Variants in CNTNAP2 observed in about 807,000 individuals in gnomAD.
CNTNAP2 encodes the protein contactin associated protein 2.
Under a neutral mutation model 155.2 loss-of-function variants are expected in CNTNAP2, and 98 were observed. That is an observed-to-expected ratio of 0.63 (90% CI 0.54 to 0.75). The LOEUF (loss-of-function observed/expected upper bound fraction) is 0.75, where lower values mean the gene tolerates loss of function less well. Among genes scored for constraint, CNTNAP2 ranks in the 30% least tolerant of loss-of-function variants. The pLI, the probability that CNTNAP2 is intolerant of heterozygous loss-of-function variation, is 0.00. For missense variants in CNTNAP2, 1,727 were observed against 1,688.1 expected, an observed-to-expected ratio of 1.02 and a Z score of -0.40; for synonymous variants, 651 against 631.2, an observed-to-expected ratio of 1.03 and a Z score of -0.47.
At chr7:148,133,665 C>T (rs1222246629) in intron 16 of CNTNAP2, 1 of 152,142 alleles carries the variant, frequency 6.6e-6, no homozygotes, top group Non-Finnish European at 1.5e-5. Context: ...GAACACATTC[C>T]TTGCCCTCCT....
intron 1 of CNTNAP2, among the ~76,000 whole-genome samples, chr7:146,581,751 A>G (rs1798614527): frequency 1.3e-5 from 2 of 152,218 alleles, no homozygotes; most frequent in Admixed American, 1.3e-4. Flanking sequence ...GTTTTAAGCT[A>G]CTTTAATCAT....
At chr7:146,625,203 AG>A (rs1451549071) in intron 1 of CNTNAP2, among the ~76,000 whole-genome samples, 1 of 151,986 alleles carries the variant, frequency 6.6e-6, no homozygotes, top group Non-Finnish European at 1.5e-5. Flanking sequence ...AAGGAGACTC[AG>A]GGAGCAGCAC....
intron 17 of CNTNAP2, among the ~76,000 whole-genome samples, chr7:148,153,501 G>T (rs536072277): frequency 6.6e-6 from 1 of 152,138 alleles, no homozygotes; most frequent in East Asian, 1.9e-4. Context: ...AGCATATGAC[G>T]AGCTCCCTGG....
chr7:146,382,771 T>C (rs1795408117), intron 1 of CNTNAP2, among the ~76,000 whole-genome samples: 1 of 152,146 alleles, frequency 6.6e-6, no homozygotes, highest in African/African-American at 2.4e-5. Flanking sequence ...TGCTGTGAAC[T>C]GTACTTAGAT....
chr7:148,335,248 C>G (rs544004428), intron 21 of CNTNAP2, among the ~76,000 whole-genome samples: 1 of 152,316 alleles, frequency 6.6e-6, no homozygotes, highest in South Asian at 2.1e-4. Flanking sequence ...CAGGTCTCCT[C>G]TCTAATACCT....
chr7:147,018,626 C>G (rs896804501), intron 3 of CNTNAP2, among the ~76,000 whole-genome samples: 9 of 152,050 alleles, frequency 5.9e-5, no homozygotes, highest in African/African-American at 1.9e-4. Context: ...GAGTTTTATT[C>G]AAAAACTGTT....
intron 8 of CNTNAP2, among the ~76,000 whole-genome samples, chr7:147,273,788 T>C (rs1460405891): frequency 6.8e-6 from 1 of 146,532 alleles, no homozygotes; most frequent in Admixed American, 6.8e-5. Context: ...TATATCTATT[T>C]TATATATATT....
At chr7:148,403,428 G>C (rs910411150) in intron 22 of CNTNAP2, among the ~76,000 whole-genome samples, 8 of 152,152 alleles carry the variant, frequency 5.3e-5, no homozygotes, top group Non-Finnish European at 7.4e-5. Flanking sequence ...CGCAAGAGAA[G>C]TATGTTGAAT....
In CNTNAP2 at chr7:148,048,194, G is replaced by A. The variant is rs185315488; in HGVS notation, c.2384-69924G>A. On this transcript the variant is annotated intron_variant, in intron 15 of 23. Coordinates refer to ENST00000361727, the MANE Select transcript of CNTNAP2 (RefSeq NM_014141.6). The stretch of plus-strand genomic sequence containing the variant: ...CCGCCTCGGCCTCCCAAAGTGCTGG[G>A]ATTACAGGCGTGAGCCACCACACCC... Among the ~76,000 whole-genome samples the A allele has an allele frequency of 5.3e-3, 798 of 151,818 alleles. 4 individuals carry two copies. Among genetic ancestry groups the A allele is most frequent in the African/African-American group, 0.018 (760 of 41,386 alleles).
At chr7:147,606,020 A>G (rs1252707428) in intron 12 of CNTNAP2, among the ~76,000 whole-genome samples, 1 of 152,034 alleles carries the variant, frequency 6.6e-6, no homozygotes, top group African/African-American at 2.4e-5. Flanking sequence ...ACAACGGTTC[A>G]GGTAACCCCC....
rs184493394 is a variant in CNTNAP2 at position 146,198,819 on chromosome 7, G to A, written c.97+81846G>A. On this transcript the variant is annotated intron_variant, in intron 1 of 23. Coordinates refer to ENST00000361727, the MANE Select transcript of CNTNAP2 (RefSeq NM_014141.6). ...CATTGGTGCTATATGTGAATTCCAA[G>A]GTAGTGTTTTGATGAGGAACATGTT... Among the ~76,000 whole-genome samples the A allele has an allele frequency of 7.4e-4, 112 of 151,914 alleles. 2 individuals carry two copies. Among genetic ancestry groups the A allele is most frequent in the Non-Finnish European group, 9.1e-4 (62 of 67,960 alleles).
At chr7:147,467,003 A>T (rs112316368) in intron 10 of CNTNAP2, among the ~76,000 whole-genome samples, 237 of 152,372 alleles carry the variant, frequency 1.6e-3, no homozygotes, top group African/African-American at 5.1e-3. Context: ...TATCTTATAT[A>T]GGCTTTTAGA....
At position 148,298,339 on chromosome 7, in the gene CNTNAP2, C is replaced by T. The variant is rs116710065; in HGVS notation, c.3475+31213C>T. Reference sequence around the variant, plus strand: ...AATGTCACCACATCATTTGGAGATACGTTTTTAAGTCAGCCTAAAGGGTTG... The same window carrying T: ...AATGTCACCACATCATTTGGAGATATGTTTTTAAGTCAGCCTAAAGGGTTG... On this transcript the variant is annotated intron_variant, in intron 21 of 23. Coordinates refer to ENST00000361727, the MANE Select transcript of CNTNAP2 (RefSeq NM_014141.6). Among the ~76,000 whole-genome samples the T allele has an allele frequency of 5.6e-3, 852 of 152,224 alleles. 10 individuals carry two copies. The highest frequency in any genetic ancestry group is 0.019 in the African/African-American group (808 of 41,540).
intron 1 of CNTNAP2, among the ~76,000 whole-genome samples, chr7:146,132,582 C>G (rs1212391999): frequency 3.4e-5 from 4 of 119,314 alleles, no homozygotes; most frequent in Non-Finnish European, 6.5e-5. Flanking sequence ...CACCCCACAA[C>G]AGTCCCCAGA....
chr7:146,560,339 A>T (rs1256642198), intron 1 of CNTNAP2, among the ~76,000 whole-genome samples: 3 of 152,034 alleles, frequency 2.0e-5, no homozygotes, highest in African/African-American at 7.2e-5. Context: ...GTTATTTATT[A>T]TGATGGTGTA....
chr7:147,327,966 C>A (rs886092810), intron 9 of CNTNAP2, among the ~76,000 whole-genome samples: 7 of 151,782 alleles, frequency 4.6e-5, no homozygotes, highest in African/African-American at 7.3e-5. Context: ...AGAGAATTAA[C>A]TGTGTAAAAA....
intron 15 of CNTNAP2, among the ~76,000 whole-genome samples, chr7:148,002,631 AT>A (rs1026969397): frequency 1.3e-5 from 2 of 152,056 alleles, no homozygotes; most frequent in African/African-American, 4.8e-5. Context: ...CAAAACCTTG[AT>A]TTTTTTGGAG....
intron 3 of CNTNAP2, among the ~76,000 whole-genome samples, chr7:146,997,453 G>A (rs1000457781): frequency 2.0e-5 from 3 of 152,060 alleles, no homozygotes; most frequent in Admixed American, 1.3e-4. Context: ...TTTTCCATTT[G>A]CTGTTGAATT....
rs146237689 is a variant in CNTNAP2, at chr7:147,548,762, C to T, written c.1778-13376C>T. Among the ~76,000 whole-genome samples, 336 of 152,270 alleles carry T rather than the reference C, an allele frequency of 2.2e-3. 3 individuals carry two copies. The highest frequency in any genetic ancestry group is 7.6e-3 in the African/African-American group (317 of 41,552). Reference sequence around the variant, plus strand: ...TGGGTTTTAAATTTAAGTCTTTAGTCCATCTTGAGATAATTCTGTATAAGG... The same window carrying T: ...TGGGTTTTAAATTTAAGTCTTTAGTTCATCTTGAGATAATTCTGTATAAGG... On this transcript the variant is annotated intron_variant, in intron 11 of 23. Transcript: ENST00000361727.
Sources: gnomAD v4.1 joint callset for allele counts (sites outside exome capture counted in the v4.1 genomes callset) on GRCh38, gnomAD v4.1.1 for gene constraint, MANE v1.5 for transcripts, NCBI Gene and HGNC (gene_info 2026-07-23, HGNC 2026-07-21) for gene names.